The following FER1L6 variants were observed in gnomAD, a reference collection of about 807,000 sequenced individuals.
The protein encoded by FER1L6 is fer-1 like family member 6, also known as fer-1-like protein 6.
In FER1L6, 177 loss-of-function variants were observed where a neutral mutation model predicts 219.2. The observed-to-expected ratio is 0.81, with a 90% CI of 0.71 to 0.91. The LOEUF (loss-of-function observed/expected upper bound fraction) is 0.91, where lower values mean the gene tolerates loss of function less well. Among genes scored for constraint, FER1L6 ranks in the 40% least tolerant of loss-of-function variants. The pLI, the probability that FER1L6 is intolerant of heterozygous loss-of-function variation, is 0.00. For synonymous variants in FER1L6, 768 were observed against 824.3 expected, an observed-to-expected ratio of 0.93 and a Z score of 1.17; for missense variants, 2,153 against 2,259.9, an observed-to-expected ratio of 0.95 and a Z score of 0.96.
At chr8:124,004,339 A>T (rs1263454544) in intron 13 of FER1L6, 1 of 152,214 alleles carries the variant, frequency 6.6e-6, no homozygotes, top group Admixed American at 6.5e-5. Context: ...CCAGATCTTG[A>T]AATATGTATG....
chr8:124,079,191 G>A (rs901196298), intron 32 of FER1L6, among the ~76,000 whole-genome samples: 4 of 152,118 alleles, frequency 2.6e-5, no homozygotes, highest in African/African-American at 7.2e-5. Flanking sequence ...TTGCATTACA[G>A]CCCATCCTAA....
In FER1L6 at chr8:123,926,455, G is replaced by A. The variant is rs534665223; in HGVS notation, c.-7-29537G>A. Among the ~76,000 whole-genome samples, 83 of 152,274 alleles carry A rather than the reference G, an allele frequency of 5.5e-4. No homozygotes were observed. The South Asian group carries it at 5.8e-3, about 11-fold the overall frequency. Reference sequence around the variant, plus strand: ...GTGCATAGGGGAAAGGTTGGCCTGCGGCCAGCTCTGGGAGTTCGTCACCGG... The same window carrying A: ...GTGCATAGGGGAAAGGTTGGCCTGCAGCCAGCTCTGGGAGTTCGTCACCGG... On this transcript the variant is annotated intron_variant, in intron 1 of 40. Transcript: ENST00000522917.
At chr8:124,021,764 T>C in intron 17 of FER1L6, 95 bp downstream of exon 17, 1 of 1,470,078 alleles carries the variant, frequency 6.8e-7, no homozygotes, top group Middle Eastern at 1.8e-4. Flanking sequence ...TATGAATCAA[T>C]GTTTTTCTCC....
At chr8:123,934,142 ACT>A (rs1210685873) in intron 1 of FER1L6, among the ~76,000 whole-genome samples, 1 of 152,054 alleles carries the variant, frequency 6.6e-6, no homozygotes, top group Non-Finnish European at 1.5e-5. Flanking sequence ...ACCAAGTCTC[ACT>A]CTGTCACCCA....
chr8:123,874,262 C>A (rs1409667597), intron 1 of FER1L6, among the ~76,000 whole-genome samples: 12 of 152,196 alleles, frequency 7.9e-5, no homozygotes, highest in Non-Finnish European at 1.5e-5. Context: ...TTCATACCTT[C>A]TTTTCTCAAG....
rs1586548013 is a variant in FER1L6 at position 123,980,518 on chromosome 8, A to T, written c.1117A>T (p.Asn373Tyr). 2 of 1,613,986 alleles carry T rather than the reference A, an allele frequency of 1.2e-6. No homozygotes were observed. The highest frequency in any genetic ancestry group is 2.2e-5 in the South Asian group (2 of 91,080). ...GATTAACCTGTATGGCTCGCCCAGG[A>T]ACCACAGTCTGATGGATGACTACCA... ...AWINLYGSPRNHSLMDDYQEM... is the reference protein window; with the variant it reads ...AWINLYGSPRYHSLMDDYQEM... Residue 373 changes from asparagine to tyrosine, a missense_variant, in exon 11 of 41, where the codon AAC becomes TAC. Asn to Tyr is a moderately radical substitution (Grantham distance 143). Coordinates refer to ENST00000522917, the MANE Select transcript of FER1L6 (RefSeq NM_001039112.2).
rs1820529391 is a variant in FER1L6, at chr8:124,060,709, G to T, written c.3147G>T (p.Val1049=). 4.3e-6 allele frequency: 7 copies of T among 1,612,706 alleles called. No homozygotes were observed. The African/African-American group carries it at 9.3e-5, about 22-fold the overall frequency. The part of the protein sequence containing the change: ...NFSIQADAFE[V]ELPENELLHP... ...GCATCCAGGCAGACGCTTTCGAAGTGGTGCGAGCTTCTCACTCTCCCGACC... is the reference window on the plus strand; with the variant it reads ...GCATCCAGGCAGACGCTTTCGAAGTTGTGCGAGCTTCTCACTCTCCCGACC... Residue 1049 remains valine, a splice_region_variant and synonymous_variant, in exon 24 of 41, where the codon GTG becomes GTT. Transcript: ENST00000522917.
At chr8:123,920,404 G>A (rs111312413) in intron 1 of FER1L6, among the ~76,000 whole-genome samples, 1,692 of 152,286 alleles carry the variant, frequency 0.011, 36 homozygotes, top group African/African-American at 0.039. Flanking sequence ...CATAGTCCAG[G>A]CCAAATGAGA....
In FER1L6 at chr8:123,853,230, C is replaced by T. The variant is rs1055455904; in HGVS notation, c.-8+1045C>T. Reference sequence around the variant, plus strand: ...AGTGCAGTGGTACAATCTTGGCTCACTGCAGCCGCCACCTCCCAGGTTCAA... The same window carrying T: ...AGTGCAGTGGTACAATCTTGGCTCATTGCAGCCGCCACCTCCCAGGTTCAA... On this transcript the variant is annotated intron_variant, in intron 1 of 40. Coordinates refer to ENST00000522917, the MANE Select transcript of FER1L6 (RefSeq NM_001039112.2). This position sits in a 1 kb window ranked among gnomAD's most constrained non-coding sequence, Gnocchi z 6.6. Among the ~76,000 whole-genome samples, 3 of 152,312 alleles carry T rather than the reference C, an allele frequency of 2.0e-5. No homozygotes were observed. The highest frequency in any genetic ancestry group is 7.2e-5 in the African/African-American group (3 of 41,570).
At position 123,936,892 on chromosome 8, in the gene FER1L6, G is replaced by A. The variant is rs117505836; in HGVS notation, c.-7-19100G>A. On this transcript the variant is annotated intron_variant, in intron 1 of 40. Transcript: ENST00000522917. Reference sequence around the variant, plus strand: ...TTAAAATGGTTATCCTCATACAAGGGTCTTAACTGTTAAAGAACATTTTTT... The same window carrying A: ...TTAAAATGGTTATCCTCATACAAGGATCTTAACTGTTAAAGAACATTTTTT... 4.9e-3 allele frequency among the ~76,000 whole-genome samples: 743 copies of A among 152,186 alleles called. 1 individual carries two copies. Among genetic ancestry groups the A allele is most frequent in the Middle Eastern group, 0.02 (6 of 294 alleles).
intron 18 of FER1L6, among the ~76,000 whole-genome samples, chr8:124,027,598 T>C (rs1048273816): frequency 6.6e-6 from 1 of 152,232 alleles, no homozygotes; most frequent in South Asian, 2.1e-4. Context: ...CTTATTCTAT[T>C]GCCAAGTCTG....
intron 39 of FER1L6, among the ~76,000 whole-genome samples, chr8:124,106,481 T>G (rs1005114866): frequency 1.9e-4 from 29 of 152,062 alleles, no homozygotes; most frequent in Admixed American, 1.9e-3. Flanking sequence ...CAGGTTAGTG[T>G]AGATTCTCTA....
chr8:123,923,937 C>A (rs1250727632), intron 1 of FER1L6, among the ~76,000 whole-genome samples: 1 of 96,150 alleles, frequency 1.0e-5, no homozygotes, highest in East Asian at 2.8e-4. Flanking sequence ...GAGACTCCAA[C>A]TAAGAAAAAA....
rs533222372 is a variant in FER1L6, at chr8:124,068,955, G to A, written c.3719-405G>A. Among the ~76,000 whole-genome samples, 8 of 140,126 alleles carry A rather than the reference G, an allele frequency of 5.7e-5. No individual in the cohort carries two copies. In the East Asian group the frequency reaches 1.1e-3, roughly 19 times the overall value. The allele number at this position is 140,126 out of a possible 152,430, so 91.9% of individuals were successfully genotyped here. On this transcript the variant is annotated intron_variant, in intron 28 of 40. Transcript: ENST00000522917. Reference sequence around the variant, plus strand: ...CTATTTCTTTTTTTTTTTTTTTTCCGAGACGGAGTCTTGCTCTGTCGCCCA... The same window carrying A: ...CTATTTCTTTTTTTTTTTTTTTTCCAAGACGGAGTCTTGCTCTGTCGCCCA...
chr8:124,052,796 C>G (rs536513385), intron 22 of FER1L6, among the ~76,000 whole-genome samples: 7 of 152,084 alleles, frequency 4.6e-5, no homozygotes, highest in Admixed American at 2.0e-4. Flanking sequence ...AAAAAACAAA[C>G]AAAGAAACAA....
At chr8:123,973,970 G>C (rs778304002) in intron 7 of FER1L6, among the ~76,000 whole-genome samples, 4 of 152,146 alleles carry the variant, frequency 2.6e-5, no homozygotes, top group Non-Finnish European at 4.4e-5. Flanking sequence ...TACACAAAAT[G>C]CTTAGTAAAG....
At chr8:124,035,117 T>C (rs1279167975) in intron 18 of FER1L6, among the ~76,000 whole-genome samples, 160 bp from the exon 19 acceptor site, 2 of 152,188 alleles carry the variant, frequency 1.3e-5, no homozygotes, top group African/African-American at 2.4e-5. Flanking sequence ...ATCAAGGCAA[T>C]TGGGGCCATT....
At chr8:123,881,625 C>G (rs1034035807) in intron 1 of FER1L6, among the ~76,000 whole-genome samples, 2 of 152,108 alleles carry the variant, frequency 1.3e-5, no homozygotes, top group Non-Finnish European at 2.9e-5. Context: ...TAGACCCACA[C>G]AAAGGAAATT....
At chr8:123,906,860 C>T (rs1044463817) in intron 1 of FER1L6, among the ~76,000 whole-genome samples, 4 of 151,836 alleles carry the variant, frequency 2.6e-5, no homozygotes, top group African/African-American at 9.7e-5. Flanking sequence ...TTAACCCCCC[C>T]TTTAAAGAAA....
Sources: gnomAD v4.1 joint callset for allele counts (sites outside exome capture counted in the v4.1 genomes callset) on GRCh38, gnomAD v4.1.1 for gene constraint, Gnocchi (gnomAD v3.1) non-coding constraint, MANE v1.5 for transcripts, NCBI Gene and HGNC (gene_info 2026-07-23, HGNC 2026-07-21) for gene names.